MYO1G: variants seen among roughly 807,000 people sequenced by gnomAD.
MYO1G encodes the protein myosin IG, also known as unconventional myosin-Ig.
A neutral mutation model predicts 115.3 loss-of-function variants in MYO1G; 65 were observed. The ratio of observed to expected loss-of-function variants is 0.56; its 90% CI spans 0.46 to 0.69. The LOEUF is 0.69. Among genes scored for constraint, MYO1G ranks in the 30% least tolerant of loss-of-function variants. The pLI, the probability that MYO1G is intolerant of heterozygous loss-of-function variation, is 0.00. For synonymous variants in MYO1G, 510 were observed against 552.6 expected (o/e 0.92, Z 1.08); for missense variants, 1,204 against 1,393.5 (o/e 0.86, Z 2.16).
chr7:44,979,005 G>A lies in MYO1G; in HGVS notation c.-44C>T, dbSNP rs754077437. On this transcript the variant is annotated 5_prime_UTR_variant, in exon 1 of 22. Coordinates refer to ENST00000258787, the MANE Select transcript of MYO1G (RefSeq NM_033054.3). ...CTTGCCTCACCTTCCTGTGCCTGCT[G>A]GAAGGACAGTGAAGGAGAGGGGGAG... is the stretch of plus-strand genomic sequence containing the variant. 1.3e-6 allele frequency: 2 copies of A among 1,597,732 alleles called. No homozygotes were observed. The highest frequency in any genetic ancestry group is 1.7e-6 in the Non-Finnish European group (2 of 1,165,384).
Position 44,964,826 on chromosome 7 carries a change from G to C in MYO1G, c.2526+119C>G. 6.9e-7 allele frequency: 1 copy of C among 1,445,036 alleles called. No homozygotes were observed. The highest frequency in any genetic ancestry group is 9.4e-7 in the Non-Finnish European group (1 of 1,069,130). The allele number at this position is 1,445,036 out of a possible 1,614,324, so 89.5% of individuals were successfully genotyped here. Reference sequence around the variant, plus strand: ...TGGGGGCTGAGGTACAGGGCCACCAGGACAGACAACCCCAGGCCTGGGAGA... The same window carrying C: ...TGGGGGCTGAGGTACAGGGCCACCACGACAGACAACCCCAGGCCTGGGAGA... On this transcript the variant is annotated intron_variant, in intron 18 of 21. Transcript: ENST00000258787. This position sits in a 1 kb window ranked among gnomAD's most constrained non-coding sequence, Gnocchi z 5.1.
chr7:44,965,570 G>T, intron 17 of MYO1G, 67 bp downstream of exon 17: 1 of 1,481,256 alleles, frequency 6.8e-7, no homozygotes, highest in Non-Finnish European at 9.4e-7. Context: ...TGCAGGCCCG[G>T]GATGATGGGT....
chr7:44,967,108 C>T lies in MYO1G; in HGVS notation c.1783-270G>A, dbSNP rs552557981. Reference sequence around the variant, plus strand: ...GAGCAGGCCTCGCCCCATCTGCCTTCCTTCTCTCCTTCCAAAAGGGGCTGA... The same window carrying T: ...GAGCAGGCCTCGCCCCATCTGCCTTTCTTCTCTCCTTCCAAAAGGGGCTGA... On this transcript the variant is annotated intron_variant, in intron 14 of 21. Transcript: ENST00000258787. Among the ~76,000 whole-genome samples, 31 of 152,264 alleles carry T rather than the reference C, an allele frequency of 2.0e-4. 1 individual carries two copies. In the South Asian group the frequency reaches 6.2e-3, roughly 31 times the overall value.
At position 44,963,129 on chromosome 7, in the gene MYO1G, G is replaced by A; in HGVS notation, c.2746-5C>T. On this transcript the variant is annotated splice_region_variant and splice_polypyrimidine_tract_variant and intron_variant, in intron 20 of 21. Transcript: ENST00000258787. This position sits in a 1 kb window ranked among gnomAD's most constrained non-coding sequence, Gnocchi z 4.1. ...GGTCACGCTCAGCCCCGTCACCTGA[G>A]CGGAGCGCGGGGTCAGAGTGCAGCC... 1 of 1,455,912 alleles carries A rather than the reference G, an allele frequency of 6.9e-7. No homozygotes were observed. Among genetic ancestry groups the A allele is most frequent in the South Asian group, 1.3e-5 (1 of 75,456 alleles). 90.2% of individuals were successfully genotyped at this position (1,455,912 alleles called of 1,614,324 possible).
Position 44,964,774 on chromosome 7 carries a change from C to G in MYO1G, c.2526+171G>C, listed in dbSNP as rs1794809456. ...CCCCGAAGGCCACTGCTCCTGAAGC[C>G]CAGGATGAGACCTTGCAGAGCTCTG... On this transcript the variant is annotated intron_variant, in intron 18 of 21. Transcript: ENST00000258787. The surrounding 1 kb of genome is among the most constrained non-coding windows in gnomAD (Gnocchi z 5.1). 6.6e-6 allele frequency among the ~76,000 whole-genome samples: 1 copy of G among 152,170 alleles called. No individual in the cohort carries two copies. The highest frequency in any genetic ancestry group is 2.4e-5 in the African/African-American group (1 of 41,442).
chr7:44,966,939 A>G lies in MYO1G; in HGVS notation c.1783-101T>C. The G allele has an allele frequency of 7.8e-7, 1 of 1,287,456 alleles. No homozygotes were observed. The highest frequency in any genetic ancestry group is 1.1e-6 in the Non-Finnish European group (1 of 936,568). 79.8% of individuals were successfully genotyped at this position (1,287,456 alleles called of 1,614,324 possible). On this transcript the variant is annotated intron_variant, in intron 14 of 21. Transcript: ENST00000258787. This position sits in a 1 kb window ranked among gnomAD's most constrained non-coding sequence, Gnocchi z 5.0. ...TAACCCCTCAAGGTCCCAGGCCAGGAGAAGAGTTGGGAACAAAGAAGGGAA... is the reference window on the plus strand; with the variant it reads ...TAACCCCTCAAGGTCCCAGGCCAGGGGAAGAGTTGGGAACAAAGAAGGGAA...
At position 44,971,807 on chromosome 7, in the gene MYO1G, C is replaced by T; in HGVS notation, c.730-18G>A. On this transcript the variant is annotated intron_variant, in intron 6 of 21. Transcript: ENST00000258787. ...TCCAAGGCCTAGGGTAGAAGGGATT[C>T]ATCACTCCAAAGCCACACTGGGCCC... The T allele has an allele frequency of 6.5e-7, 1 of 1,535,998 alleles. No individual in the cohort carries two copies. Among genetic ancestry groups the T allele is most frequent in the Non-Finnish European group, 8.8e-7 (1 of 1,132,132 alleles).
In MYO1G at chr7:44,963,875, G is replaced by C; in HGVS notation, c.2745+174C>G. On this transcript the variant is annotated intron_variant, in intron 20 of 21. Coordinates refer to ENST00000258787, the MANE Select transcript of MYO1G (RefSeq NM_033054.3). This position sits in a 1 kb window ranked among gnomAD's most constrained non-coding sequence, Gnocchi z 4.1. ...ATCACAGGATGGGACCTTTCACTCT[G>C]TGGGCGTGGGAAGCCACTGCAGGAT... 1.6e-6 allele frequency: 1 copy of C among 614,886 alleles called. No homozygotes were observed. Among genetic ancestry groups the C allele is most frequent in the Non-Finnish European group, 2.9e-6 (1 of 340,666 alleles). 38.1% of individuals were successfully genotyped at this position (614,886 alleles called of 1,614,324 possible).
In MYO1G at chr7:44,970,656, C is replaced by T. The variant is rs1477759404; in HGVS notation, c.1153G>A (p.Asp385Asn). Residue 385 changes from aspartate (D) to asparagine (N), a missense_variant, in exon 9 of 22, where the codon GAT (aspartate) becomes AAT (asparagine). Asp to Asn is a conservative substitution (Grantham distance 23, BLOSUM62 1). Transcript: ENST00000258787. Reference sequence around the variant, plus strand: ...ACGCCAATGACTGTGTCCTTGCCATCACGCCGAGGATCCCGGCCCCGGGGT... The same window carrying T: ...ACGCCAATGACTGTGTCCTTGCCATTACGCCGAGGATCCCGGCCCCGGGGT... Reference protein sequence around the residue: ...MEPRGRDPRRDGKDTVIGVLD... With the variant: ...MEPRGRDPRRNGKDTVIGVLD... 2 of 1,613,850 alleles carry T rather than the reference C, an allele frequency of 1.2e-6. No homozygotes were observed. The highest frequency in any genetic ancestry group is 1.7e-6 in the Non-Finnish European group (2 of 1,180,054).
At chr7:44,971,843 T>G in intron 6 of MYO1G, 54 bp from the exon 7 acceptor site, 2 of 1,355,668 alleles carry the variant, frequency 1.5e-6, no homozygotes, top group East Asian at 5.0e-5. Context: ...AGGACACCTG[T>G]CTCCCTTGAG....
Position 44,964,574 on chromosome 7 carries a change from A to G in MYO1G, c.2527-55T>C. 7.4e-7 allele frequency: 1 copy of G among 1,358,836 alleles called. No individual in the cohort carries two copies. Among genetic ancestry groups the G allele is most frequent in the Non-Finnish European group, 1.1e-6 (1 of 949,124 alleles). The allele number at this position is 1,358,836 out of a possible 1,614,324, so 84.2% of individuals were successfully genotyped here. A position where few individuals can be genotyped will look rare whatever the true frequency, so the allele number is the denominator to read the frequency against. The stretch of plus-strand genomic sequence containing the variant: ...GCTTGGGATTGAGTCATGGGACCAG[A>G]CTCAATTGATAGCAGCTGTCTGTGA... On this transcript the variant is annotated intron_variant, in intron 18 of 21. Transcript: ENST00000258787. The surrounding 1 kb of genome is among the most constrained non-coding windows in gnomAD (Gnocchi z 5.1).
At chr7:44,972,560 T>C (rs1170804494) in intron 5 of MYO1G, 2 of 317,386 alleles carry the variant, frequency 6.3e-6, no homozygotes, top group African/African-American at 4.3e-5. Flanking sequence ...TCAGAGTATG[T>C]GGAGACACTA....
At position 44,964,966 on chromosome 7, in the gene MYO1G, C is replaced by T; in HGVS notation, c.2505G>A (p.Trp835Ter). Residue 835 changes from tryptophan (W) to a stop codon, truncating the protein, a stop_gained, in exon 18 of 22, where the codon TGG becomes TGA. Coordinates refer to ENST00000258787, the MANE Select transcript of MYO1G (RefSeq NM_033054.3). LOFTEE classifies it high-confidence loss of function. This position sits in a 1 kb window ranked among gnomAD's most constrained non-coding sequence, Gnocchi z 5.1. The stretch of plus-strand genomic sequence containing the variant: ...TTACAGAGGACAGGTAGTCTCGGGC[C>T]CAGGCCCGTCGGCAGCCCCAGTCCT... ...LRQDWGCRRA[W>*]ARDYLSSATD... 2.5e-6 allele frequency: 4 copies of T among 1,600,396 alleles called. No individual in the cohort carries two copies. The highest frequency in any genetic ancestry group is 3.4e-6 in the Non-Finnish European group (4 of 1,170,250).
At chr7:44,976,458 G>T in intron 3 of MYO1G, 106 bp downstream of exon 3, 1 of 1,068,932 alleles carries the variant, frequency 9.4e-7, no homozygotes, top group Non-Finnish European at 1.4e-6. Flanking sequence ...CTTGACCTGA[G>T]CTAGACTCCA....
intron 1 of MYO1G, 78 bp from the exon 2 acceptor site, chr7:44,977,149 G>A: frequency 7.0e-7 from 1 of 1,427,256 alleles, no homozygotes; most frequent in Non-Finnish European, 9.6e-7. Flanking sequence ...CCCATATCAG[G>A]GCCTGGCCCC....
chr7:44,968,228 C>T (rs1372955625), intron 12 of MYO1G, among the ~76,000 whole-genome samples: 5 of 152,228 alleles, frequency 3.3e-5, no homozygotes, highest in Non-Finnish European at 7.3e-5. Flanking sequence ...TGTCCTAGCA[C>T]CGAGTCCTGC....
At chr7:44,976,467 C>T (rs560257606) in intron 3 of MYO1G, 97 bp downstream of exon 3, 6 of 1,149,702 alleles carry the variant, frequency 5.2e-6, no homozygotes, top group South Asian at 3.8e-5. Context: ...AGCTAGACTC[C>T]AGTTGCCGTC....
chr7:44,964,200 C>T lies in MYO1G; in HGVS notation c.2632-38G>A, dbSNP rs747570437. 9.1e-6 allele frequency: 14 copies of T among 1,533,142 alleles called. No homozygotes were observed. The highest frequency in any genetic ancestry group is 5.8e-5 in the Admixed American group (3 of 51,954). The allele number at this position is 1,533,142 out of a possible 1,614,324, so 95.0% of individuals were successfully genotyped here. A position where few individuals can be genotyped will look rare whatever the true frequency, so the allele number is the denominator to read the frequency against. On this transcript the variant is annotated intron_variant, in intron 19 of 21. Transcript: ENST00000258787. The surrounding 1 kb of genome is among the most constrained non-coding windows in gnomAD (Gnocchi z 5.1). The stretch of plus-strand genomic sequence containing the variant: ...TGGCTGGACCCAGGCTGGTGCTGCC[C>T]TGTCACCCACCAGGGCCCCAGGCTT...
In MYO1G at chr7:44,969,903, C is replaced by G. The variant is rs1794921269; in HGVS notation, c.1333-28G>C. On this transcript the variant is annotated intron_variant, in intron 10 of 21. Transcript: ENST00000258787. The surrounding 1 kb of genome is among the most constrained non-coding windows in gnomAD (Gnocchi z 5.0). ...GGGGCAAAGGCAGCCAGCAAGGAAG[C>G]TCCCAAGGTCTTTCAGGCCACCTCC... 3 of 1,590,088 alleles carry G rather than the reference C, an allele frequency of 1.9e-6. No homozygotes were observed. Among genetic ancestry groups the G allele is most frequent in the African/African-American group, 1.3e-5 (1 of 74,750 alleles).
Sources: allele counts gnomAD v4.1 joint callset (sites outside exome capture counted in the v4.1 genomes callset), GRCh38; gene constraint gnomAD v4.1.1; non-coding constraint Gnocchi (gnomAD v3.1); transcripts MANE v1.5; gene names NCBI Gene and HGNC (gene_info 2026-07-23, HGNC 2026-07-21).